The following CHL1 variants were observed in gnomAD, a reference collection of about 807,000 sequenced individuals.
The protein encoded by CHL1 is neural cell adhesion molecule L1-like protein.
A neutral mutation model predicts 141.9 loss-of-function variants in CHL1; 96 were observed. The observed-to-expected ratio is 0.68, with a 90% CI of 0.57 to 0.80. The LOEUF is 0.80. Among genes scored for constraint, CHL1 ranks in the 30% least tolerant of loss-of-function variants. CHL1 has a pLI of 0.00. For missense variants in CHL1, 1,820 were observed against 1,457.2 expected, an observed-to-expected ratio of 1.25 and a Z score of -4.05; for synonymous variants, 613 against 502.2, an observed-to-expected ratio of 1.22 and a Z score of -2.95.
chr3:259,332 G>GTGTGTGTGTGTT (rs149448289), intron 2 of CHL1, among the ~76,000 whole-genome samples: 2 of 151,802 alleles, frequency 1.3e-5, no homozygotes, highest in African/African-American at 4.9e-5. Flanking sequence ...GCGTGTGTGT[G>GTGTGTGTGTGTT]TGTGTGATAT....
intron 20 of CHL1, among the ~76,000 whole-genome samples, chr3:390,498 G>T (rs970353908): frequency 6.6e-6 from 1 of 152,186 alleles, no homozygotes; most frequent in African/African-American, 2.4e-5. Context: ...TTGTTTCTCA[G>T]TGTGATACAG....
intron 11 of CHL1, among the ~76,000 whole-genome samples, chr3:357,404 G>C (rs541037472): frequency 6.6e-6 from 1 of 152,120 alleles, no homozygotes; most frequent in Admixed American, 6.5e-5. Flanking sequence ...CTTTTCACAT[G>C]CTTTGCATAT....
intron 26 of CHL1, among the ~76,000 whole-genome samples, chr3:400,919 T>TTTTTTG (rs1709076580): frequency 6.9e-6 from 1 of 144,400 alleles, no homozygotes. Context: ...TTTTTTTTTT[T>TTTTTTG]GAGACAAGGT....
At position 327,293 on chromosome 3, in the gene CHL1, T is replaced by C. The variant is rs149367464; in HGVS notation, c.198-874T>C. Among the ~76,000 whole-genome samples, 447 of 152,088 alleles carry C rather than the reference T, an allele frequency of 2.9e-3. 2 individuals carry two copies. Among genetic ancestry groups the C allele is most frequent in the African/African-American group, 9.5e-3 (393 of 41,544 alleles). ...TTGCATGGGTAATTCCAATATACAA[T>C]GCTGAATACAATCTAATTGGGAAGT... On this transcript the variant is annotated intron_variant, in intron 4 of 27. Transcript: ENST00000256509.
At chr3:225,656 C>T (rs1701253811) in intron 1 of CHL1, among the ~76,000 whole-genome samples, 1 of 152,106 alleles carries the variant, frequency 6.6e-6, no homozygotes, top group African/African-American at 2.4e-5. Flanking sequence ...CCACCACTGT[C>T]CAGGAACTAA....
chr3:405,006 G>T (rs1709422696), intron 27 of CHL1, among the ~76,000 whole-genome samples: 2 of 152,114 alleles, frequency 1.3e-5, no homozygotes, highest in South Asian at 4.1e-4. Flanking sequence ...TCGTGAAAGG[G>T]GTAGGGCAGC....
intron 9 of CHL1, among the ~76,000 whole-genome samples, chr3:346,247 A>G (rs1019090637): frequency 6.6e-6 from 1 of 152,142 alleles, no homozygotes; most frequent in South Asian, 2.1e-4. Flanking sequence ...TCAACTCCCA[A>G]TGTGTATTTA....
intron 2 of CHL1, among the ~76,000 whole-genome samples, chr3:269,885 G>A (rs148650008): frequency 5.8e-4 from 88 of 152,204 alleles, no homozygotes; most frequent in African/African-American, 1.9e-3. Context: ...CATCTAAGGG[G>A]GTTGGTAACA....
At chr3:269,390 C>G (rs985751528) in intron 2 of CHL1, among the ~76,000 whole-genome samples, 10 of 152,166 alleles carry the variant, frequency 6.6e-5, no homozygotes, top group African/African-American at 2.4e-4. Flanking sequence ...ACTTCCGAAT[C>G]TGTTTCTGTG....
At chr3:217,176 T>C (rs1201070623) in intron 1 of CHL1, among the ~76,000 whole-genome samples, 1 of 151,764 alleles carries the variant, frequency 6.6e-6, no homozygotes, top group African/African-American at 2.4e-5. Context: ...AAAAGAACAA[T>C]AACAGAAAAA....
At chr3:366,276 G>A (rs938203817) in intron 15 of CHL1, among the ~76,000 whole-genome samples, 161 bp downstream of exon 15, 1 of 151,980 alleles carries the variant, frequency 6.6e-6, no homozygotes, top group Non-Finnish European at 1.5e-5. Flanking sequence ...TTCGAGACTA[G>A]CCTGACCAAC....
intron 2 of CHL1, among the ~76,000 whole-genome samples, chr3:304,191 C>A (rs1575011277): frequency 2.0e-5 from 3 of 152,070 alleles, no homozygotes; most frequent in Non-Finnish European, 2.9e-5. Context: ...GGATATTGGC[C>A]TGAATTTTTG....
intron 11 of CHL1, among the ~76,000 whole-genome samples, chr3:355,436 A>G (rs1191783695): frequency 6.6e-6 from 1 of 152,230 alleles, no homozygotes; most frequent in African/African-American, 2.4e-5. Flanking sequence ...CCATTTCACC[A>G]TGCTCAGCAT....
At chr3:283,250 A>G (rs1696822347) in intron 2 of CHL1, among the ~76,000 whole-genome samples, 2 of 152,226 alleles carry the variant, frequency 1.3e-5, no homozygotes, top group African/African-American at 4.8e-5. Flanking sequence ...TCAATGCAGA[A>G]ATTAGCCTGC....
At chr3:401,482 T>G (rs896495081) in intron 26 of CHL1, 144 bp from the exon 27 acceptor site, 2 of 572,992 alleles carry the variant, frequency 3.5e-6, no homozygotes, top group African/African-American at 4.0e-5. Flanking sequence ...GCTGTAGGTA[T>G]AGCCAGAAAA....
rs1386401073 is a variant in CHL1, at chr3:328,339, G to A, written c.370G>A (p.Glu124Lys). 6.2e-7 allele frequency: 1 copy of A among 1,610,590 alleles called. No individual in the cohort carries two copies. The highest frequency in any genetic ancestry group is 1.7e-5 in the Admixed American group (1 of 59,506). The change falls in exon 5 of 28, where the codon GAA becomes AAA. Residue 124 changes from glutamate (E) to lysine (K), a missense_variant. Coordinates refer to ENST00000256509, the MANE Select transcript of CHL1 (RefSeq NM_006614.4). ...GGGAATCGCTATGTCAGAAGAAATA[G>A]AATTTATAGTTCCAAGTAAGTACTA... Reference protein sequence around the residue: ...KLGIAMSEEIEFIVPSVPKFP... With the variant: ...KLGIAMSEEIKFIVPSVPKFP...
At chr3:203,922 C>T (rs912718700) in intron 1 of CHL1, among the ~76,000 whole-genome samples, 3 of 152,204 alleles carry the variant, frequency 2.0e-5, no homozygotes, top group Non-Finnish European at 4.4e-5. Flanking sequence ...GAAGGCTTTA[C>T]ATTTGTGGAA....
chr3:267,500 G>C (rs1246807628), intron 2 of CHL1, among the ~76,000 whole-genome samples: 2 of 152,056 alleles, frequency 1.3e-5, no homozygotes, highest in Non-Finnish European at 2.9e-5. Context: ...TCTAGTAGCT[G>C]TTCTCTTAAA....
At chr3:377,719 A>T in intron 15 of CHL1, 99 bp from the exon 16 acceptor site, 1 of 1,037,446 alleles carries the variant, frequency 9.6e-7, no homozygotes, top group Non-Finnish European at 1.4e-6. Flanking sequence ...TTTCACTCTT[A>T]GATTGTTTTC....
Sources: allele counts gnomAD v4.1 joint callset (sites outside exome capture counted in the v4.1 genomes callset), GRCh38; gene constraint gnomAD v4.1.1; transcripts MANE v1.5; gene names NCBI Gene and HGNC (gene_info 2026-07-23, HGNC 2026-07-21).